DPP10: variants seen among roughly 807,000 people sequenced by gnomAD.
The protein encoded by DPP10 is inactive dipeptidyl peptidase 10.
Under a neutral mutation model 120.9 loss-of-function variants are expected in DPP10, and 33 were observed. The ratio of observed to expected loss-of-function variants is 0.27; its 90% CI spans 0.21 to 0.37. DPP10 has a LOEUF of 0.37. Ranked by LOEUF, DPP10 falls within the 10% of genes least tolerant of loss-of-function variation. The probability of loss-of-function intolerance (pLI) is 1.00; values close to 1 mark genes in which losing one functional copy is unlikely to be tolerated. For synonymous variants in DPP10, 337 were observed against 326.1 expected (o/e 1.03, Z -0.36); for missense variants, 816 against 942.8 (o/e 0.87, Z 1.76).
At chr2:115,799,556 G>A (rs1178893203) in intron 19 of DPP10, among the ~76,000 whole-genome samples, 1 of 150,426 alleles carries the variant, frequency 6.6e-6, no homozygotes, top group Non-Finnish European at 1.5e-5. Context: ...TTAGCATTAG[G>A]TATATCTCCT....
chr2:114,948,579 A>T (rs905570766), intron 1 of DPP10, among the ~76,000 whole-genome samples: 3 of 152,186 alleles, frequency 2.0e-5, no homozygotes, highest in Non-Finnish European at 4.4e-5. Flanking sequence ...TTTCAAAACA[A>T]AAATCTAAAA....
At chr2:114,951,213 G>A (rs1336488607) in intron 1 of DPP10, among the ~76,000 whole-genome samples, 5 of 152,060 alleles carry the variant, frequency 3.3e-5, no homozygotes, top group Non-Finnish European at 4.4e-5. Context: ...GGCAGGAAGC[G>A]GCAATCATAT....
chr2:115,693,522 T>C (rs2091429996), intron 7 of DPP10, among the ~76,000 whole-genome samples: 2 of 152,142 alleles, frequency 1.3e-5, no homozygotes, highest in South Asian at 4.1e-4. Flanking sequence ...TTGGAAAATC[T>C]TTTACACTTT....
intron 3 of DPP10, among the ~76,000 whole-genome samples, chr2:115,410,442 C>A (rs1372524787): frequency 6.6e-6 from 1 of 152,076 alleles, no homozygotes; most frequent in African/African-American, 2.4e-5. Flanking sequence ...AACACATGGA[C>A]ACAGGGAGGG....
chr2:115,207,131 C>G (rs1372743132), intron 1 of DPP10, among the ~76,000 whole-genome samples: 6 of 152,176 alleles, frequency 3.9e-5, no homozygotes, highest in Non-Finnish European at 8.8e-5. Flanking sequence ...GCTTACACTT[C>G]CCAGATACCA....
At chr2:114,591,065 T>A (rs1322068963) in intron 1 of DPP10, among the ~76,000 whole-genome samples, 1 of 152,102 alleles carries the variant, frequency 6.6e-6, no homozygotes, top group African/African-American at 2.4e-5. Flanking sequence ...CAGGCAACAC[T>A]GGGAGGTGTA....
chr2:114,983,370 T>C (rs1010630760), intron 1 of DPP10, among the ~76,000 whole-genome samples: 1 of 152,234 alleles, frequency 6.6e-6, no homozygotes, highest in Non-Finnish European at 1.5e-5. Flanking sequence ...TATTAATGGA[T>C]ATTGAATTAA....
At chr2:114,620,776 A>G (rs541474612) in intron 1 of DPP10, among the ~76,000 whole-genome samples, 36 of 152,182 alleles carry the variant, frequency 2.4e-4, no homozygotes, top group Non-Finnish European at 4.4e-4. Context: ...ATCTATACTT[A>G]TAATGGACTT....
chr2:114,587,322 T>TGC (rs1691081647), intron 1 of DPP10, among the ~76,000 whole-genome samples: 7 of 108,528 alleles, frequency 6.4e-5, no homozygotes, highest in Non-Finnish European at 9.7e-5. Flanking sequence ...AAAAAAAAAA[T>TGC]ACACACACAC....
intron 1 of DPP10, among the ~76,000 whole-genome samples, chr2:114,466,371 A>G (rs1391627279): frequency 1.3e-5 from 2 of 152,210 alleles, no homozygotes; most frequent in African/African-American, 4.8e-5. Flanking sequence ...TTATATGCAT[A>G]TATTTAAGCA....
At chr2:115,234,747 CT>C (rs1216544118) in intron 1 of DPP10, 4 of 152,162 alleles carry the variant, frequency 2.6e-5, no homozygotes, top group Non-Finnish European at 5.9e-5. Flanking sequence ...ATAATTCTTT[CT>C]CATTCCTGCA....
intron 1 of DPP10, among the ~76,000 whole-genome samples, chr2:115,125,007 A>G (rs2050003333): frequency 6.6e-6 from 1 of 152,216 alleles, no homozygotes; most frequent in Non-Finnish European, 1.5e-5. Context: ...CCATGCAGCT[A>G]TAAAAAGAGC....
intron 1 of DPP10, among the ~76,000 whole-genome samples, chr2:114,587,460 A>G (rs900023222): frequency 1.3e-5 from 2 of 151,948 alleles, no homozygotes; most frequent in Non-Finnish European, 2.9e-5. Context: ...AATAGGATCT[A>G]CGTTGAGTCA....
At chr2:114,736,445 C>A (rs1315585751) in intron 1 of DPP10, among the ~76,000 whole-genome samples, 4 of 152,076 alleles carry the variant, frequency 2.6e-5, no homozygotes, top group Admixed American at 2.6e-4. Flanking sequence ...GCATACAGGG[C>A]AAAACAACAG....
At chr2:114,849,638 C>T (rs1472415300) in intron 1 of DPP10, among the ~76,000 whole-genome samples, 2 of 152,142 alleles carry the variant, frequency 1.3e-5, no homozygotes, top group African/African-American at 4.8e-5. Context: ...AGGAGTGAGC[C>T]ACCGTGAGTG....
At chr2:115,676,668 G>T (rs2149459093) in intron 5 of DPP10, among the ~76,000 whole-genome samples, 1 of 152,244 alleles carries the variant, frequency 6.6e-6, no homozygotes, top group African/African-American at 2.4e-5. Flanking sequence ...GAATAAAAAT[G>T]AATGAAGCAG....
chr2:114,652,677 C>T (rs568119683), intron 1 of DPP10, among the ~76,000 whole-genome samples: 1 of 152,184 alleles, frequency 6.6e-6, no homozygotes, highest in Non-Finnish European at 1.5e-5. Flanking sequence ...ATTTTATGCT[C>T]TATAAATGCC....
At chr2:114,758,040 T>C (rs1314822933) in intron 1 of DPP10, among the ~76,000 whole-genome samples, 1 of 152,214 alleles carries the variant, frequency 6.6e-6, no homozygotes, top group Non-Finnish European at 1.5e-5. Context: ...AGTCTCAGTG[T>C]TGCCTGACTC....
At chr2:114,504,589 A>T (rs776244195) in intron 1 of DPP10, among the ~76,000 whole-genome samples, 1 of 151,784 alleles carries the variant, frequency 6.6e-6, no homozygotes, top group African/African-American at 2.4e-5. Flanking sequence ...GTTTCACCTT[A>T]ATTTCTACCT....
Sources: gnomAD v4.1 joint callset for allele counts (sites outside exome capture counted in the v4.1 genomes callset) on GRCh38, gnomAD v4.1.1 for gene constraint, MANE v1.5 for transcripts, NCBI Gene and HGNC (gene_info 2026-07-23, HGNC 2026-07-21) for gene names.